DCC: variants seen among roughly 807,000 people sequenced by gnomAD.
The protein encoded by DCC is DCC netrin 1 receptor.
DCC carries 58 observed loss-of-function variants against 172.5 expected under a neutral mutation model. The observed-to-expected ratio is 0.34, with a 90% CI of 0.27 to 0.42. The LOEUF (loss-of-function observed/expected upper bound fraction) is 0.42. Ranked by LOEUF, DCC falls within the 10% of genes least tolerant of loss-of-function variation. The pLI, the probability that DCC is intolerant of heterozygous loss-of-function variation, is 1.00. For missense variants in DCC, 1,740 were observed against 1,791.0 expected (o/e 0.97, Z 0.51); for synonymous variants, 709 against 644.5 (o/e 1.10, Z -1.52).
chr18:52,982,153 C>G (rs2041221746), intron 5 of DCC, among the ~76,000 whole-genome samples: 1 of 152,054 alleles, frequency 6.6e-6, no homozygotes, highest in South Asian at 2.1e-4. Context: ...AGCCATGCTT[C>G]TAGATGATTA....
intron 2 of DCC, among the ~76,000 whole-genome samples, chr18:52,902,838 A>G (rs1278793674): frequency 3.3e-5 from 5 of 152,224 alleles, no homozygotes; most frequent in Non-Finnish European, 7.3e-5. Context: ...GACAAAAAGA[A>G]AAGACTATGC....
At chr18:52,345,631 C>T (rs1983845503) in intron 1 of DCC, among the ~76,000 whole-genome samples, 1 of 152,208 alleles carries the variant, frequency 6.6e-6, no homozygotes, top group African/African-American at 2.4e-5. Flanking sequence ...GGCATCAATA[C>T]TGCCTCCCTT....
chr18:52,695,324 C>A (rs1455016829), intron 1 of DCC, among the ~76,000 whole-genome samples: 1 of 152,102 alleles, frequency 6.6e-6, no homozygotes, highest in Non-Finnish European at 1.5e-5. Context: ...GTTATGTAAT[C>A]CTTTATTTGA....
chr18:52,785,125 G>GGACTTTCCAGTTAATC (rs1367123937), intron 2 of DCC, among the ~76,000 whole-genome samples: 2 of 152,024 alleles, frequency 1.3e-5, no homozygotes, highest in African/African-American at 4.8e-5. Context: ...GAATGTAAAT[G>GGACTTTCCAGTTAATC]GACTTTCCAG....
intron 5 of DCC, among the ~76,000 whole-genome samples, chr18:53,002,426 T>A (rs1341578771): frequency 6.6e-6 from 1 of 152,154 alleles, no homozygotes; most frequent in East Asian, 1.9e-4. Flanking sequence ...TAATTCAGCT[T>A]GCCGCCTCTT....
At chr18:52,567,606 A>G (rs1208362729) in intron 1 of DCC, among the ~76,000 whole-genome samples, 1 of 152,204 alleles carries the variant, frequency 6.6e-6, no homozygotes, top group Non-Finnish European at 1.5e-5. Flanking sequence ...AATGGGAGTT[A>G]AATAATGTGT....
intron 1 of DCC, among the ~76,000 whole-genome samples, chr18:52,495,603 A>G (rs2030711711): frequency 6.6e-6 from 1 of 152,164 alleles, no homozygotes; most frequent in Admixed American, 6.6e-5. Context: ...GGTTTGCTAT[A>G]TAGGCTACTC....
intron 21 of DCC, among the ~76,000 whole-genome samples, chr18:53,427,936 TA>T (rs1911109019): frequency 3.9e-5 from 2 of 50,824 alleles, no homozygotes; most frequent in African/African-American, 1.0e-4. Context: ...TAATATAATA[TA>T]ATATATTATA....
At chr18:53,091,007 G>C (rs2042999387) in intron 7 of DCC, among the ~76,000 whole-genome samples, 1 of 151,932 alleles carries the variant, frequency 6.6e-6, no homozygotes, top group Admixed American at 6.6e-5. Flanking sequence ...TCAGGAGTTG[G>C]TGCAGAATTC....
At chr18:52,851,074 A>G (rs1458517911) in intron 2 of DCC, among the ~76,000 whole-genome samples, 1 of 152,140 alleles carries the variant, frequency 6.6e-6, no homozygotes, top group African/African-American at 2.4e-5. Context: ...TATAATTAAT[A>G]ACACATTCAT....
At chr18:52,390,736 T>C (rs1161779188) in intron 1 of DCC, among the ~76,000 whole-genome samples, 2 of 152,100 alleles carry the variant, frequency 1.3e-5, no homozygotes, top group Admixed American at 1.3e-4. Flanking sequence ...AACAGTTTTG[T>C]GGCCAAGCAT....
chr18:52,745,600 C>A (rs566900664), intron 1 of DCC, among the ~76,000 whole-genome samples: 2 of 152,114 alleles, frequency 1.3e-5, no homozygotes, highest in East Asian at 3.9e-4. Flanking sequence ...GACTAGTTAG[C>A]ACATCTATCA....
chr18:52,897,764 T>C (rs1049992141), intron 2 of DCC, among the ~76,000 whole-genome samples: 1 of 152,182 alleles, frequency 6.6e-6, no homozygotes, highest in African/African-American at 2.4e-5. Context: ...AGGACTTCCT[T>C]TGCAATGTCC....
rs117597677 is a variant in DCC, at chr18:52,423,473, C to T, written c.91+82595C>T. 4.8e-3 allele frequency among the ~76,000 whole-genome samples: 730 copies of T among 152,010 alleles called. 5 individuals are homozygous for T. The highest frequency in any genetic ancestry group is 9.5e-3 in the Admixed American group (145 of 15,266). On this transcript the variant is annotated intron_variant, in intron 1 of 28. Coordinates refer to ENST00000442544, the MANE Select transcript of DCC (RefSeq NM_005215.4). ...ACTAACTCAGCTCAAGGCCTCTTGA[C>T]TACACAGGCTTTCAAACCTCCAGCA...
Position 53,425,400 on chromosome 18 carries a change from C to A in DCC, c.3163+9244C>A, listed in dbSNP as rs184528629. The stretch of plus-strand genomic sequence containing the variant: ...TTTGAGACAGAGTCTCACTCTCTCA[C>A]CCGGGCTGGAGTGCAGTGGCATGAT... On this transcript the variant is annotated intron_variant, in intron 21 of 28. Transcript: ENST00000442544. 5.6e-3 allele frequency among the ~76,000 whole-genome samples: 801 copies of A among 142,956 alleles called. 11 individuals carry two copies. The highest frequency in any genetic ancestry group is 0.019 in the Admixed American group (266 of 13,900). 93.8% of individuals were successfully genotyped at this position (142,956 alleles called of 152,430 possible).
At chr18:52,914,226 A>AG (rs1454494228) in intron 3 of DCC, among the ~76,000 whole-genome samples, 1 of 151,974 alleles carries the variant, frequency 6.6e-6, no homozygotes, top group African/African-American at 2.4e-5. Flanking sequence ...AAAAATAAAA[A>AG]AAAATCACTT....
intron 2 of DCC, among the ~76,000 whole-genome samples, chr18:52,822,966 ATGAACT>A (rs1429886180): frequency 3.3e-5 from 5 of 152,176 alleles, no homozygotes; most frequent in African/African-American, 9.7e-5. Flanking sequence ...ACATGAGAAA[ATGAACT>A]TAAATAGCTA....
intron 5 of DCC, among the ~76,000 whole-genome samples, chr18:52,988,982 C>T (rs1196283656): frequency 1.3e-5 from 2 of 151,252 alleles, no homozygotes; most frequent in African/African-American, 4.9e-5. Flanking sequence ...CTTTGACAAC[C>T]TAGAAAATAG....
chr18:53,483,942 C>A (rs1017528614), intron 25 of DCC, among the ~76,000 whole-genome samples: 2 of 150,314 alleles, frequency 1.3e-5, no homozygotes, highest in East Asian at 2.0e-4. Flanking sequence ...CACTGTGAAA[C>A]CTTTGCCTAT....
Sources: allele counts gnomAD v4.1 joint callset (sites outside exome capture counted in the v4.1 genomes callset), GRCh38; gene constraint gnomAD v4.1.1; transcripts MANE v1.5; gene names NCBI Gene and HGNC (gene_info 2026-07-23, HGNC 2026-07-21).